The following ARHGEF9 variants were observed in gnomAD, a reference collection of about 807,000 sequenced individuals.
The protein encoded by ARHGEF9 is Cdc42 guanine nucleotide exchange factor 9.
Under a neutral mutation model 41.3 loss-of-function variants are expected in ARHGEF9, and 2 were observed. The ratio of observed to expected loss-of-function variants is 0.05; its 90% CI spans 0.02 to 0.15. The LOEUF is 0.15. ARHGEF9 is among the 10% of genes least tolerant of loss of function. The probability of loss-of-function intolerance (pLI) is 1.00; values close to 1 mark genes in which losing one functional copy is unlikely to be tolerated. For synonymous variants in ARHGEF9, 160 were observed against 154.4 expected, an observed-to-expected ratio of 1.04 and a Z score of -0.27; for missense variants, 225 against 424.7, an observed-to-expected ratio of 0.53 and a Z score of 4.13.
intron 1 of ARHGEF9, chrX:63,732,258 G>T (rs141392357): frequency 7.2e-5 from 8 of 111,312 alleles, no homozygotes; most frequent in African/African-American, 2.6e-4. Flanking sequence ...CTCACCTCCA[G>T]TCCCATATTT....
rs1247331847 is a variant in ARHGEF9, at chrX:63,711,711, T to C, written c.211-5262A>G. Among the ~76,000 whole-genome samples, 11 of 111,560 alleles carry C rather than the reference T, an allele frequency of 9.9e-5. No individual in the cohort carries two copies. The Admixed American group carries it at 1.0e-3, about 11-fold the overall frequency. On this transcript the variant is annotated intron_variant, in intron 2 of 9. Coordinates refer to ENST00000671741, the MANE Select transcript of ARHGEF9 (RefSeq NM_001353921.2). ...ATTATAAAAGTCATTAAAGAAAACA[T>C]AGAGGAAAATCTGTAACATTAGACA...
At position 63,783,179 on chromosome X, in the gene ARHGEF9, T is replaced by C. The variant is rs145065434; in HGVS notation, c.30+1937A>G. On this transcript the variant is annotated intron_variant, in intron 1 of 9. Transcript: ENST00000671741. ...GTCAATGAGTGGCTCTGGGCCCCTA[T>C]ACTTCAATATATTTGGGAGAGGAAG... Among the ~76,000 whole-genome samples, 927 of 111,850 alleles carry C rather than the reference T, an allele frequency of 8.3e-3. 5 individuals are homozygous for C. The highest frequency in any genetic ancestry group is 0.013 in the Non-Finnish European group (688 of 53,183).
At chrX:63,657,080 A>G (rs2048919141) in intron 7 of ARHGEF9, 1 of 111,885 alleles carries the variant, frequency 8.9e-6, no homozygotes, top group Non-Finnish European at 1.9e-5. Context: ...GAGATGTGGT[A>G]TGGCTGAGTC....
In ARHGEF9 at chrX:63,753,601, A is replaced by G. The variant is rs368651202; in HGVS notation, c.31-28890T>C. Among the ~76,000 whole-genome samples the G allele has an allele frequency of 1.2e-4, 13 of 108,957 alleles. No individual in the cohort carries two copies. The East Asian group carries it at 3.5e-3, about 29-fold the overall frequency. The allele number at this position is 108,957 out of a possible 115,157, so 94.6% of individuals were successfully genotyped here. A position where few individuals can be genotyped will look rare whatever the true frequency, so the allele number is the denominator to read the frequency against. ...CCCCAAACTCAAATCCAGGGGTACA[A>G]TCTTTGGGAAAGGGAGCCCAAATAG... On this transcript the variant is annotated intron_variant, in intron 1 of 9. Transcript: ENST00000671741.
At chrX:63,665,821 G>A in intron 7 of ARHGEF9, 65 bp downstream of exon 7, 2 of 1,173,905 alleles carry the variant, frequency 1.7e-6, no homozygotes, top group South Asian at 1.9e-5. Flanking sequence ...TGGGGATGAT[G>A]AAGAGGAGGG....
At chrX:63,722,403 G>GT (rs1249596079) in intron 2 of ARHGEF9, among the ~76,000 whole-genome samples, 4 of 100,342 alleles carry the variant, frequency 4.0e-5, no homozygotes, top group African/African-American at 1.5e-4. Flanking sequence ...TCTTCTTGTT[G>GT]TTTTTTGTTT....
intron 5 of ARHGEF9, among the ~76,000 whole-genome samples, chrX:63,675,369 T>G (rs2050196957): frequency 9.0e-6 from 1 of 111,480 alleles, no homozygotes; most frequent in Non-Finnish European, 1.9e-5. Flanking sequence ...TCCTCACGTT[T>G]GCTTTTGCAC....
At chrX:63,766,894 G>T in intron 1 of ARHGEF9, 1 of 387,184 alleles carries the variant, frequency 2.6e-6, no homozygotes, top group South Asian at 3.2e-5. Context: ...ACAATCATGG[G>T]CCAGGAAAAC....
Position 63,661,636 on chromosome X carries a change from G to A in ARHGEF9, c.1077+4250C>T, listed in dbSNP as rs2049225552. Among the ~76,000 whole-genome samples the A allele has an allele frequency of 2.7e-5, 3 of 111,680 alleles. No homozygotes were observed. The South Asian group carries it at 1.1e-3, about 42-fold the overall frequency. ...TTTTTGGAAGAAAAGTTAAAAGAGT[G>A]GTGACAGCAAAAATTAAAGAAGGGG... On this transcript the variant is annotated intron_variant, in intron 7 of 9. Transcript: ENST00000671741.
intron 1 of ARHGEF9, among the ~76,000 whole-genome samples, chrX:63,729,755 G>A (rs2054169742): frequency 8.9e-6 from 1 of 111,778 alleles, no homozygotes; most frequent in South Asian, 3.8e-4. Context: ...TTCAGAGGAA[G>A]CACTAAATAT....
At chrX:63,698,387 T>C (rs2051922589) in intron 3 of ARHGEF9, among the ~76,000 whole-genome samples, 1 of 110,644 alleles carries the variant, frequency 9.0e-6, no homozygotes, top group Non-Finnish European at 1.9e-5. Context: ...CTAAATTGCA[T>C]CTTCCATTTG....
At chrX:63,690,847 C>T (rs57907721) in intron 4 of ARHGEF9, among the ~76,000 whole-genome samples, 2,453 of 111,813 alleles carry the variant, frequency 0.022, 81 homozygotes, top group African/African-American at 0.076. Flanking sequence ...AATAAATAAA[C>T]GTGATACATT....
chrX:63,675,451 C>A (rs1556360991), intron 5 of ARHGEF9, among the ~76,000 whole-genome samples: 1 of 111,768 alleles, frequency 8.9e-6, no homozygotes, highest in South Asian at 3.7e-4. Context: ...GGATCAAATG[C>A]CAGTTTTTCT....
intron 1 of ARHGEF9, among the ~76,000 whole-genome samples, chrX:63,741,433 C>T (rs782745907): frequency 6.5e-4 from 73 of 112,699 alleles, no homozygotes; most frequent in Non-Finnish European, 1.1e-3. Flanking sequence ...CCCTGTCATG[C>T]CCACTTAGGA....
chrX:63,727,363 A>G (rs1322292401), intron 1 of ARHGEF9: 1 of 111,565 alleles, frequency 9.0e-6, no homozygotes, highest in Non-Finnish European at 1.9e-5. Context: ...CAGCTGATAT[A>G]CCTGGGCCCT....
intron 1 of ARHGEF9, among the ~76,000 whole-genome samples, chrX:63,757,340 A>G (rs1474599058): frequency 9.0e-6 from 1 of 111,711 alleles, no homozygotes; most frequent in Non-Finnish European, 1.9e-5. Flanking sequence ...ACTCCAAGGT[A>G]GCTCTCCTGG....
chrX:63,647,177 C>T (rs1556316982), intron 8 of ARHGEF9, among the ~76,000 whole-genome samples: 1 of 111,540 alleles, frequency 9.0e-6, no homozygotes, highest in Admixed American at 9.6e-5. Flanking sequence ...CATCTGCAAA[C>T]AGGGACAATT....
At chrX:63,696,989 G>A (rs1296874803) in intron 4 of ARHGEF9, 136 bp downstream of exon 4, 1 of 644,843 alleles carries the variant, frequency 1.6e-6, no homozygotes, top group Non-Finnish European at 2.3e-6. Context: ...GAGACCAGGG[G>A]TCAAAATGAA....
At chrX:63,766,695 C>T (rs1293476999) in intron 1 of ARHGEF9, among the ~76,000 whole-genome samples, 45 of 111,652 alleles carry the variant, frequency 4.0e-4, no homozygotes, top group African/African-American at 1.3e-3. Flanking sequence ...GTCTTCTCAG[C>T]GTATGAACTG....
Sources: allele counts gnomAD v4.1 joint callset (sites outside exome capture counted in the v4.1 genomes callset), GRCh38; gene constraint gnomAD v4.1.1; transcripts MANE v1.5; gene names NCBI Gene and HGNC (gene_info 2026-07-23, HGNC 2026-07-21).